The following ARHGAP20 variants were observed in gnomAD, a reference collection of about 807,000 sequenced individuals.
ARHGAP20 encodes the protein rho GTPase-activating protein 20.
A neutral mutation model predicts 73.7 loss-of-function variants in ARHGAP20; 34 were observed. The ratio of observed to expected loss-of-function variants is 0.46; its 90% CI spans 0.35 to 0.61. The LOEUF (loss-of-function observed/expected upper bound fraction) is 0.61, where lower values mean the gene tolerates loss of function less well. Among genes scored for constraint, ARHGAP20 ranks in the 20% least tolerant of loss-of-function variants. The probability of loss-of-function intolerance (pLI) is 0.00; values close to 1 mark genes in which losing one functional copy is unlikely to be tolerated. For missense variants in ARHGAP20, 1,314 were observed against 1,420.9 expected (o/e 0.92, Z 1.21); for synonymous variants, 523 against 518.2 (o/e 1.01, Z -0.13).
In ARHGAP20 at chr11:110,703,913, A is replaced by G. The variant is rs182643030; in HGVS notation, c.105+8214T>C. Among the ~76,000 whole-genome samples, 458 of 152,308 alleles carry G rather than the reference A, an allele frequency of 3.0e-3. 5 individuals are homozygous for G. The highest frequency in any genetic ancestry group is 0.011 in the African/African-American group (442 of 41,576). ...CATACAAAATGATATTTGTACAACC[A>G]TAACACTCTATGTCAAACAAAGGGG... is the stretch of plus-strand genomic sequence containing the variant. On this transcript the variant is annotated intron_variant, in intron 1 of 14. Transcript: ENST00000683387.
At chr11:110,628,170 G>A (rs1000292569) in intron 3 of ARHGAP20, among the ~76,000 whole-genome samples, 6 of 152,170 alleles carry the variant, frequency 3.9e-5, no homozygotes, top group African/African-American at 1.4e-4. Flanking sequence ...AGGACTGAAA[G>A]CAGTATCTAA....
chr11:110,694,911 T>C (rs1054968132), intron 1 of ARHGAP20, among the ~76,000 whole-genome samples: 1 of 151,604 alleles, frequency 6.6e-6, no homozygotes, highest in Non-Finnish European at 1.5e-5. Flanking sequence ...TGCACACATA[T>C]GAAAACAAAC....
In ARHGAP20 at chr11:110,577,617, G is replaced by A; in HGVS notation, c.*1753C>T. 2 of 986,086 alleles carry A rather than the reference G, an allele frequency of 2.0e-6. No homozygotes were observed. Among genetic ancestry groups the A allele is most frequent in the South Asian group, 9.4e-5 (2 of 21,290 alleles). 61.1% of individuals were successfully genotyped at this position (986,086 alleles called of 1,614,324 possible). On this transcript the variant is annotated 3_prime_UTR_variant, in exon 15 of 15. Transcript: ENST00000683387. The stretch of plus-strand genomic sequence containing the variant: ...CTTTATATATTATACCAAAAAAGAT[G>A]CATATGGACACTTAGAAGTCTTAAT...
intron 9 of ARHGAP20, among the ~76,000 whole-genome samples, chr11:110,598,180 T>TC (rs1486646863): frequency 6.6e-6 from 1 of 151,676 alleles, no homozygotes; most frequent in East Asian, 1.9e-4. Flanking sequence ...ACCTTTTTTT[T>TC]TTTTTCCCCT....
In ARHGAP20 at chr11:110,611,394, A is replaced by C; in HGVS notation, c.631-8T>G. The C allele has an allele frequency of 7.1e-7, 1 of 1,404,306 alleles. No homozygotes were observed. Among genetic ancestry groups the C allele is most frequent in the Non-Finnish European group, 9.7e-7 (1 of 1,033,106 alleles). 87.0% of individuals were successfully genotyped at this position (1,404,306 alleles called of 1,614,324 possible). A position where few individuals can be genotyped will look rare whatever the true frequency, so the allele number is the denominator to read the frequency against. ...TACTGTTATAGTTTTAGACTGTAGA[A>C]AAAAAATAAGAAATATAGCTATAAA... On this transcript the variant is annotated splice_region_variant and splice_polypyrimidine_tract_variant and intron_variant, in intron 6 of 14. Transcript: ENST00000683387.
intron 12 of ARHGAP20, among the ~76,000 whole-genome samples, chr11:110,584,993 A>ATG (rs1269392900): frequency 4.4e-4 from 65 of 146,924 alleles, no homozygotes; most frequent in Middle Eastern, 3.6e-3. Flanking sequence ...GAAAATATAT[A>ATG]TGAATATATG....
chr11:110,644,997 T>TTCTATCTCTC (rs1555094126), intron 2 of ARHGAP20, among the ~76,000 whole-genome samples: 1 of 150,412 alleles, frequency 6.6e-6, no homozygotes, highest in African/African-American at 2.4e-5. Context: ...GAACAGACAC[T>TTCTATCTCTC]TCTCTCTCTC....
intron 4 of ARHGAP20, among the ~76,000 whole-genome samples, chr11:110,615,855 C>CT (rs1280861867): frequency 6.6e-6 from 1 of 152,106 alleles, no homozygotes; most frequent in Non-Finnish European, 1.5e-5. Flanking sequence ...TACTTTACTG[C>CT]TTTTTTACAA....
At chr11:110,585,042 T>TATGTGA (rs1415916244) in intron 12 of ARHGAP20, among the ~76,000 whole-genome samples, 29 of 144,994 alleles carry the variant, frequency 2.0e-4, no homozygotes, top group Admixed American at 6.8e-4. Context: ...TATGTGAATA[T>TATGTGA]ATATGAATAT....
In ARHGAP20 at chr11:110,630,312, C is replaced by T. The variant is rs77730948; in HGVS notation, c.353+316G>A. Among the ~76,000 whole-genome samples, 28 of 152,206 alleles carry T rather than the reference C, an allele frequency of 1.8e-4. No homozygotes were observed. The East Asian group carries it at 4.1e-3, about 22-fold the overall frequency. ...GTACTAATCACAATTTGTCATTCTCCCTCACCCCATGCATAAGACTGTAAG... is the reference window on the plus strand; with the variant it reads ...GTACTAATCACAATTTGTCATTCTCTCTCACCCCATGCATAAGACTGTAAG... On this transcript the variant is annotated intron_variant, in intron 3 of 14. Coordinates refer to ENST00000683387, the MANE Select transcript of ARHGAP20 (RefSeq NM_001384657.1).
At chr11:110,640,398 G>A (rs1949054184) in intron 2 of ARHGAP20, among the ~76,000 whole-genome samples, 1 of 151,822 alleles carries the variant, frequency 6.6e-6, no homozygotes, top group African/African-American at 2.4e-5. Context: ...TTTCTATATT[G>A]CCTGTGTAAC....
At chr11:110,658,575 C>A (rs1317628118) in intron 2 of ARHGAP20, among the ~76,000 whole-genome samples, 2 of 152,102 alleles carry the variant, frequency 1.3e-5, no homozygotes, top group Non-Finnish European at 2.9e-5. Flanking sequence ...TGTTTCTCTG[C>A]CTCTATGTGA....
chr11:110,607,977 GACA>G (rs1448723206), intron 8 of ARHGAP20, among the ~76,000 whole-genome samples: 4 of 152,102 alleles, frequency 2.6e-5, no homozygotes, highest in Non-Finnish European at 2.9e-5. Context: ...TTACAAAAAT[GACA>G]ACATTAAAAA....
At chr11:110,609,562 CA>C (rs1290987186) in intron 7 of ARHGAP20, among the ~76,000 whole-genome samples, 5 of 152,058 alleles carry the variant, frequency 3.3e-5, no homozygotes, top group Admixed American at 6.6e-5. Context: ...AAAGAAAGGA[CA>C]AGAATTCTGT....
chr11:110,633,582 A>G (rs57767934), intron 2 of ARHGAP20, among the ~76,000 whole-genome samples: 3,781 of 152,264 alleles, frequency 0.025, 134 homozygotes, highest in African/African-American at 0.079. Flanking sequence ...TTCAGTAGAA[A>G]CTGTACTTCA....
intron 2 of ARHGAP20, among the ~76,000 whole-genome samples, chr11:110,640,496 A>C (rs879535291): frequency 2.6e-5 from 4 of 152,010 alleles, no homozygotes; most frequent in Non-Finnish European, 5.9e-5. Context: ...CACTCTCAAC[A>C]TCAAAACTCT....
In ARHGAP20 at chr11:110,611,298, G is replaced by A. The variant is rs1174118585; in HGVS notation, c.708+11C>T. On this transcript the variant is annotated intron_variant, in intron 7 of 14. Coordinates refer to ENST00000683387, the MANE Select transcript of ARHGAP20 (RefSeq NM_001384657.1). The stretch of plus-strand genomic sequence containing the variant: ...TATTTTTAATTAAGAATGTCTAGCA[G>A]AATAACTTACAGTTATCCCTAGCAT... The A allele has an allele frequency of 8.7e-6, 13 of 1,493,354 alleles. No individual in the cohort carries two copies. Among genetic ancestry groups the A allele is most frequent in the Non-Finnish European group, 1.2e-5 (13 of 1,102,182 alleles). The allele number at this position is 1,493,354 out of a possible 1,614,324, so 92.5% of individuals were successfully genotyped here. A position where few individuals can be genotyped will look rare whatever the true frequency, so the allele number is the denominator to read the frequency against.
chr11:110,688,006 T>C (rs1048277843), intron 2 of ARHGAP20, among the ~76,000 whole-genome samples: 2 of 152,218 alleles, frequency 1.3e-5, no homozygotes, highest in African/African-American at 4.8e-5. Flanking sequence ...AAAAATTTAG[T>C]ATTCATTGAA....
At chr11:110,702,873 C>A (rs571772337) in intron 1 of ARHGAP20, among the ~76,000 whole-genome samples, 1 of 151,934 alleles carries the variant, frequency 6.6e-6, no homozygotes, top group African/African-American at 2.4e-5. Context: ...CACTGCTCAA[C>A]GAAATAAAAG....
Sources: gnomAD v4.1 joint callset for allele counts (sites outside exome capture counted in the v4.1 genomes callset) on GRCh38, gnomAD v4.1.1 for gene constraint, MANE v1.5 for transcripts, NCBI Gene and HGNC (gene_info 2026-07-23, HGNC 2026-07-21) for gene names.